TIAM1: variants seen among roughly 807,000 people sequenced by gnomAD.
The protein encoded by TIAM1 is TIAM Rac1 associated GEF 1, also known as rho guanine nucleotide exchange factor TIAM1.
A neutral mutation model predicts 163.5 loss-of-function variants in TIAM1; 65 were observed. The ratio of observed to expected loss-of-function variants is 0.40; its 90% CI spans 0.33 to 0.49. The LOEUF (loss-of-function observed/expected upper bound fraction) is 0.49, where lower values mean the gene tolerates loss of function less well. Ranked by LOEUF, TIAM1 falls within the 20% of genes least tolerant of loss-of-function variation. The pLI, the probability that TIAM1 is intolerant of heterozygous loss-of-function variation, is 0.77. For synonymous variants in TIAM1, 833 were observed against 810.1 expected (o/e 1.03, Z -0.48); for missense variants, 1,789 against 2,044.7 (o/e 0.87, Z 2.41).
At chr21:31,484,919 G>A (rs938878247) in intron 1 of TIAM1, among the ~76,000 whole-genome samples, 1 of 152,158 alleles carries the variant, frequency 6.6e-6, no homozygotes, top group African/African-American at 2.4e-5. Flanking sequence ...TTATACAAGA[G>A]GTCTCAGAGT....
chr21:31,520,638 G>A (rs2047547888), intron 1 of TIAM1, among the ~76,000 whole-genome samples: 1 of 152,170 alleles, frequency 6.6e-6, no homozygotes, highest in African/African-American at 2.4e-5. Context: ...TCTGTAATAT[G>A]AATGATCGCA....
chr21:31,153,034 T>C, intron 18 of TIAM1, 32 bp downstream of exon 18: 1 of 1,600,476 alleles, frequency 6.2e-7, no homozygotes, highest in Non-Finnish European at 8.5e-7. Flanking sequence ...CACGGTATGA[T>C]GGTCACAAAG....
chr21:31,341,161 T>G (rs541043993), intron 1 of TIAM1, among the ~76,000 whole-genome samples: 1 of 152,226 alleles, frequency 6.6e-6, no homozygotes, highest in Non-Finnish European at 1.5e-5. Flanking sequence ...ATGCCTACTT[T>G]GTGCCAAACA....
chr21:31,520,165 T>C (rs1406573073), intron 1 of TIAM1, among the ~76,000 whole-genome samples: 2 of 152,090 alleles, frequency 1.3e-5, no homozygotes, highest in African/African-American at 4.8e-5. Flanking sequence ...ACCCTATCTC[T>C]ACTAACAATA....
At position 31,375,551 on chromosome 21, in the gene TIAM1, A is replaced by G. The variant is rs201039502; in HGVS notation, c.-368-36129T>C. 2.8e-4 allele frequency among the ~76,000 whole-genome samples: 23 copies of G among 81,126 alleles called. No homozygotes were observed. The East Asian group carries it at 6.4e-3, about 22-fold the overall frequency. 53.2% of individuals were successfully genotyped at this position (81,126 alleles called of 152,430 possible). A position where few individuals can be genotyped will look rare whatever the true frequency, so the allele number is the denominator to read the frequency against. On this transcript the variant is annotated intron_variant, in intron 2 of 28. Coordinates refer to the TIAM1 transcript ENST00000286827. ...TTCATATATAGAAAAGGAAAAATCA[A>G]CAACTTTATTTTTTATCACACATAT...
Position 31,472,706 on chromosome 21 carries a change from T to C in TIAM1, c.-421-8671A>G, listed in dbSNP as rs147599520. Among the ~76,000 whole-genome samples the C allele has an allele frequency of 2.1e-3, 318 of 152,284 alleles. 2 individuals carry two copies. Among genetic ancestry groups the C allele is most frequent in the African/African-American group, 7.2e-3 (300 of 41,566 alleles). ...CTACTACATGGCCTTGATCCTAAGA[T>C]GGGTTCTGTAATTTAATGTTCCTAA... On this transcript the variant is annotated intron_variant, in intron 1 of 28. Coordinates refer to the TIAM1 transcript ENST00000286827.
At chr21:31,556,090 T>G (rs994069458) in intron 1 of TIAM1, among the ~76,000 whole-genome samples, 1 of 152,150 alleles carries the variant, frequency 6.6e-6, no homozygotes, top group African/African-American at 2.4e-5. Context: ...ACGTGCTCCC[T>G]TTTAAGTCTA....
rs372214543 is a variant in TIAM1 at position 31,440,632 on chromosome 21, C to T, written c.-369+23351G>A. ...GCATGGTGGCTCATGCCTGTAATCC[C>T]AGCACTTTGGGAGGCCGAGGCAGGC... On this transcript the variant is annotated intron_variant, in intron 2 of 28. Transcript: ENST00000286827. Among the ~76,000 whole-genome samples, 32 of 152,282 alleles carry T rather than the reference C, an allele frequency of 2.1e-4. 1 individual carries two copies. In the East Asian group the frequency reaches 5.8e-3, roughly 28 times the overall value.
rs146494866 is a variant in TIAM1, at chr21:31,169,294, A to AAATAATAAT, written c.2888-4238_2888-4230dup. On this transcript the variant is annotated intron_variant, in intron 15 of 27. Coordinates refer to ENST00000541036, the MANE Select transcript of TIAM1 (RefSeq NM_001353694.2). The stretch of plus-strand genomic sequence containing the variant: ...GGCAGACTGAGTGAGACTCCGTCTC[A>AAATAATAAT]AATAATAATAATAATAATAATACTA... Among the ~76,000 whole-genome samples the AAATAATAAT allele has an allele frequency of 4.0e-3, 597 of 151,046 alleles. 5 individuals carry two copies. The highest frequency in any genetic ancestry group is 0.014 in the African/African-American group (578 of 41,294).
At chr21:31,507,404 A>C (rs138241387) in intron 1 of TIAM1, among the ~76,000 whole-genome samples, 51 of 150,958 alleles carry the variant, frequency 3.4e-4, no homozygotes, top group African/African-American at 1.1e-3. Flanking sequence ...ATGGGGTTTC[A>C]CCATGTTGGC....
chr21:31,261,573 C>T (rs1008099442), intron 4 of TIAM1, among the ~76,000 whole-genome samples: 7 of 152,022 alleles, frequency 4.6e-5, no homozygotes, highest in Admixed American at 1.3e-4. Flanking sequence ...ATTAGCCAGG[C>T]GCCGTGGTGC....
chr21:31,251,897 G>A lies in TIAM1; in HGVS notation c.1256C>T (p.Ser419Phe). The change falls in exon 5 of 28, where the codon TCT becomes TTT. Residue 419 changes from serine (S) to phenylalanine (F), a missense_variant. Ser to Phe is a radical substitution (Grantham distance 155). Coordinates refer to ENST00000541036, the MANE Select transcript of TIAM1 (RefSeq NM_001353694.2). ...SDEQSSGTLS[S>F]PGQSDILLTA... ...CAGCAGGATGTCCGACTGGCCCGGAGAGCTCAGGGTGCCGCTGCTCTGCTC... is the reference window on the plus strand; with the variant it reads ...CAGCAGGATGTCCGACTGGCCCGGAAAGCTCAGGGTGCCGCTGCTCTGCTC... 1.2e-6 allele frequency: 2 copies of A among 1,613,818 alleles called. No individual in the cohort carries two copies. The highest frequency in any genetic ancestry group is 1.7e-6 in the Non-Finnish European group (2 of 1,179,914).
intron 4 of TIAM1, among the ~76,000 whole-genome samples, chr21:31,264,863 C>G (rs148013192): frequency 1.0e-3 from 155 of 152,276 alleles, no homozygotes; most frequent in African/African-American, 3.4e-3. Context: ...TCAAGGCAAA[C>G]GGACCCAGTC....
At chr21:31,463,522 A>C (rs1182773872) in intron 2 of TIAM1, among the ~76,000 whole-genome samples, 1 of 152,142 alleles carries the variant, frequency 6.6e-6, no homozygotes, top group Non-Finnish European at 1.5e-5. Flanking sequence ...TGTCATGTTA[A>C]AAAAGAAGTA....
chr21:31,254,833 G>A (rs1050587441), intron 4 of TIAM1, among the ~76,000 whole-genome samples: 2 of 152,186 alleles, frequency 1.3e-5, no homozygotes, highest in African/African-American at 2.4e-5. Flanking sequence ...ACCTGCAAGT[G>A]CAAGAAAGGG....
At chr21:31,553,226 C>T (rs971299652) in intron 1 of TIAM1, among the ~76,000 whole-genome samples, 4 of 152,134 alleles carry the variant, frequency 2.6e-5, no homozygotes, top group Admixed American at 6.6e-5. Flanking sequence ...TCCTGGGGTA[C>T]CCCACGGAGC....
chr21:31,323,318 A>T (rs1326797847), intron 2 of TIAM1, among the ~76,000 whole-genome samples: 13 of 152,118 alleles, frequency 8.5e-5, no homozygotes, highest in South Asian at 2.1e-4. Flanking sequence ...AAGTGCATGA[A>T]GCCATAAAAA....
At chr21:31,123,107 T>C (rs778594986) in intron 27 of TIAM1, among the ~76,000 whole-genome samples, 6 of 152,304 alleles carry the variant, frequency 3.9e-5, no homozygotes, top group Non-Finnish European at 7.4e-5. Context: ...TGGTGTTAAA[T>C]TGTGGGCTGG....
chr21:31,253,887 G>A (rs2071950577), intron 4 of TIAM1, among the ~76,000 whole-genome samples: 1 of 152,134 alleles, frequency 6.6e-6, no homozygotes, highest in Non-Finnish European at 1.5e-5. Context: ...TTTCTCCTTG[G>A]CAGGGACATT....
Sources: allele counts gnomAD v4.1 joint callset (sites outside exome capture counted in the v4.1 genomes callset), GRCh38; gene constraint gnomAD v4.1.1; transcripts MANE v1.5; gene names NCBI Gene and HGNC (gene_info 2026-07-23, HGNC 2026-07-21).